The following TRDN variants were observed in gnomAD, a reference collection of about 807,000 sequenced individuals.
TRDN encodes triadin, also known as triadin in skeletal muscle.
A neutral mutation model predicts 149.7 loss-of-function variants in TRDN; 161 were observed. The observed-to-expected ratio is 1.08, with a 90% CI of 0.95 to 1.23. The LOEUF is 1.23. Ranked by LOEUF, TRDN falls within the 50% of genes most tolerant of loss-of-function variation. The pLI, the probability that TRDN is intolerant of heterozygous loss-of-function variation, is 0.00. For missense variants in TRDN, 896 were observed against 823.5 expected (o/e 1.09, Z -1.08); for synonymous variants, 294 against 250.5 (o/e 1.17, Z -1.64).
intron 12 of TRDN, among the ~76,000 whole-genome samples, chr6:123,399,750 G>T (rs1400566816): frequency 1.3e-5 from 2 of 152,116 alleles, no homozygotes; most frequent in Admixed American, 1.3e-4. Flanking sequence ...AGAAGAATTT[G>T]CCTACATCAT....
At chr6:123,274,528 G>A (rs1777306686) in intron 27 of TRDN, 113 bp downstream of exon 27, 3 of 884,720 alleles carry the variant, frequency 3.4e-6, no homozygotes, top group Non-Finnish European at 5.1e-6. Flanking sequence ...AAAATAATGA[G>A]GAACTTGGAG....
chr6:123,348,515 T>C (rs1780341153), intron 21 of TRDN, among the ~76,000 whole-genome samples: 2 of 152,212 alleles, frequency 1.3e-5, no homozygotes, highest in Admixed American at 1.3e-4. Flanking sequence ...ACCAATTCAT[T>C]TGTCTTTTCA....
At chr6:123,480,833 C>T (rs548563453) in intron 9 of TRDN, among the ~76,000 whole-genome samples, 1 of 151,946 alleles carries the variant, frequency 6.6e-6, no homozygotes, top group Non-Finnish European at 1.5e-5. Context: ...ATAAATAATG[C>T]CTCCTATCTC....
chr6:123,357,681 T>C (rs1780736357), intron 20 of TRDN, among the ~76,000 whole-genome samples: 1 of 152,182 alleles, frequency 6.6e-6, no homozygotes, highest in Non-Finnish European at 1.5e-5. Context: ...TTATTCATAA[T>C]TCTTTTATTC....
In TRDN at chr6:123,465,027, C is replaced by CA. The variant is rs1776704825; in HGVS notation, c.854-45dup. The CA allele has an allele frequency of 2.6e-6, 4 of 1,534,782 alleles. No homozygotes were observed. The African/African-American group carries it at 5.5e-5, about 21-fold the overall frequency. On this transcript the variant is annotated intron_variant, in intron 9 of 40. Transcript: ENST00000334268. ...GGAATTGGAAAAAAAAAAGTATTAA[C>CA]AAATCTAATATCCACAACTAAAAAG...
intron 2 of TRDN, among the ~76,000 whole-genome samples, chr6:123,564,180 G>T (rs890733691): frequency 5.3e-5 from 8 of 152,072 alleles, no homozygotes; most frequent in African/African-American, 1.7e-4. Flanking sequence ...ACTGAAGTTG[G>T]GTAGTAAAAT....
In TRDN at chr6:123,530,558, G is replaced by C. The variant is rs1780197164; in HGVS notation, c.432C>G (p.His144Gln). Residue 144 changes from histidine to glutamine, a missense_variant, in exon 5 of 41, where the codon CAC becomes CAG. By Grantham distance (24) the His-to-Gln change is conservative. Coordinates refer to ENST00000334268, the MANE Select transcript of TRDN (RefSeq NM_006073.4). Reference sequence around the variant, plus strand: ...TCTCTTGTTTTTCAGTCTTATCTTTGTGTATTTCTAAGAAAAAATAGAATT... The same window carrying C: ...TCTCTTGTTTTTCAGTCTTATCTTTCTGTATTTCTAAGAAAAAATAGAATT... ...DEPPLRKKEI[H>Q]KDKTEKQEKP... 8.0e-7 allele frequency: 1 copy of C among 1,246,942 alleles called. No individual in the cohort carries two copies. Among genetic ancestry groups the C allele is most frequent in the African/African-American group, 1.6e-5 (1 of 63,384 alleles). 77.2% of individuals were successfully genotyped at this position (1,246,942 alleles called of 1,614,324 possible). A position where few individuals can be genotyped will look rare whatever the true frequency, so the allele number is the denominator to read the frequency against.
At chr6:123,560,897 CT>C (rs1347425553) in intron 2 of TRDN, among the ~76,000 whole-genome samples, 2 of 152,162 alleles carry the variant, frequency 1.3e-5, no homozygotes, top group African/African-American at 4.8e-5. Flanking sequence ...GAAATCTATC[CT>C]CAAGGAAATA....
intron 7 of TRDN, among the ~76,000 whole-genome samples, chr6:123,506,075 T>C (rs1161954296): frequency 2.0e-5 from 3 of 152,184 alleles, no homozygotes; most frequent in African/African-American, 4.8e-5. Context: ...ATTGAAATCA[T>C]TCCAGAATTC....
intron 13 of TRDN, among the ~76,000 whole-genome samples, chr6:123,392,699 G>A (rs1477913084): frequency 2.6e-5 from 4 of 151,910 alleles, no homozygotes; most frequent in African/African-American, 7.2e-5. Flanking sequence ...TTTGCTCACA[G>A]ACAACATCCT....
intron 38 of TRDN, among the ~76,000 whole-genome samples, chr6:123,239,342 A>G (rs985337714): frequency 6.6e-6 from 1 of 152,202 alleles, no homozygotes; most frequent in African/African-American, 2.4e-5. Context: ...TTATTCAGTT[A>G]TTGATACTTC....
At chr6:123,555,280 T>G (rs569024892) in intron 2 of TRDN, among the ~76,000 whole-genome samples, 37 of 152,248 alleles carry the variant, frequency 2.4e-4, no homozygotes, top group African/African-American at 8.7e-4. Flanking sequence ...GATTTCAACC[T>G]CTTAGAGCCA....
At chr6:123,292,258 C>T (rs2114652940) in intron 24 of TRDN, among the ~76,000 whole-genome samples, 1 of 152,282 alleles carries the variant, frequency 6.6e-6, no homozygotes, top group East Asian at 1.9e-4. Context: ...ACCCCCATGG[C>T]TGGGGCATTT....
chr6:123,284,624 C>T (rs920755900), intron 24 of TRDN, among the ~76,000 whole-genome samples: 18 of 151,922 alleles, frequency 1.2e-4, no homozygotes, highest in Non-Finnish European at 2.9e-5. Flanking sequence ...ATGCCCACTC[C>T]CACCACTTCT....
At chr6:123,268,235 G>C (rs771908609) in intron 31 of TRDN, among the ~76,000 whole-genome samples, 1 of 151,930 alleles carries the variant, frequency 6.6e-6, no homozygotes, top group Non-Finnish European at 1.5e-5. Context: ...TAAATCTGCT[G>C]TATTCCAGAG....
intron 1 of TRDN, among the ~76,000 whole-genome samples, chr6:123,572,693 T>C (rs1197486230): frequency 6.6e-6 from 1 of 152,102 alleles, no homozygotes; most frequent in Non-Finnish European, 1.5e-5. Flanking sequence ...CAAATATTTT[T>C]GCCAAAAGCA....
chr6:123,603,776 C>T (rs1293929990), intron 1 of TRDN, among the ~76,000 whole-genome samples: 1 of 152,096 alleles, frequency 6.6e-6, no homozygotes, highest in Non-Finnish European at 1.5e-5. Flanking sequence ...ATCTACTTTG[C>T]AATCACTTCG....
intron 10 of TRDN, among the ~76,000 whole-genome samples, chr6:123,456,611 G>T (rs1283021632): frequency 6.6e-6 from 1 of 152,114 alleles, no homozygotes; most frequent in East Asian, 1.9e-4. Flanking sequence ...TGGGACTACA[G>T]GCATATGCCT....
intron 24 of TRDN, among the ~76,000 whole-genome samples, chr6:123,283,885 T>G: frequency 6.8e-6 from 1 of 147,812 alleles, no homozygotes; most frequent in African/African-American, 2.5e-5. Flanking sequence ...AATTCTGCTG[T>G]GAATATTTCT....
Sources: gnomAD v4.1 joint callset for allele counts (sites outside exome capture counted in the v4.1 genomes callset) on GRCh38, gnomAD v4.1.1 for gene constraint, MANE v1.5 for transcripts, NCBI Gene and HGNC (gene_info 2026-07-23, HGNC 2026-07-21) for gene names.